WDR27: variants seen among roughly 807,000 people sequenced by gnomAD.
WDR27 encodes WD repeat domain 27, also known as WD repeat-containing protein 27.
Under a neutral mutation model 114.4 loss-of-function variants are expected in WDR27, and 100 were observed. The ratio of observed to expected loss-of-function variants is 0.87; its 90% CI spans 0.74 to 1.03. The LOEUF is 1.03. Ranked by LOEUF, WDR27 falls within the 50% of genes least tolerant of loss-of-function variation. The probability of loss-of-function intolerance (pLI) is 0.00; values close to 1 mark genes in which losing one functional copy is unlikely to be tolerated. For missense variants in WDR27, 1,129 were observed against 1,092.9 expected, an observed-to-expected ratio of 1.03 and a Z score of -0.47; for synonymous variants, 449 against 423.1, an observed-to-expected ratio of 1.06 and a Z score of -0.75.
intron 25 of WDR27, among the ~76,000 whole-genome samples, chr6:169,557,053 C>G (rs1425644841): frequency 6.6e-6 from 1 of 152,102 alleles, no homozygotes; most frequent in African/African-American, 2.4e-5. Flanking sequence ...GTGTCTCTCG[C>G]AAGAGAAACG....
chr6:169,682,737 G>A (rs958679270), intron 2 of WDR27, among the ~76,000 whole-genome samples: 2 of 152,140 alleles, frequency 1.3e-5, no homozygotes, highest in African/African-American at 2.4e-5. Context: ...AATAAGTTGC[G>A]ACAGACTGAC....
At chr6:169,575,099 C>A (rs1005108328) in intron 24 of WDR27, among the ~76,000 whole-genome samples, 4 of 152,146 alleles carry the variant, frequency 2.6e-5, no homozygotes, top group African/African-American at 9.7e-5. Context: ...GGCGGGAACA[C>A]CACCACCAGC....
Position 169,475,206 on chromosome 6 carries a change from T to C in WDR27, c.2646-17572A>G, listed in dbSNP as rs575721278. ...GGGTTTACAAAAATATTATCCTATA[T>C]TTTCTTCTACTTATTTATTGATTGA... On this transcript the variant is annotated intron_variant, in intron 25 of 25. Transcript: ENST00000448612. Among the ~76,000 whole-genome samples, 5 of 152,362 alleles carry C rather than the reference T, an allele frequency of 3.3e-5. 1 individual carries two copies. The highest frequency in any genetic ancestry group is 2.0e-4 in the Admixed American group (3 of 15,306).
intron 15 of WDR27, among the ~76,000 whole-genome samples, chr6:169,648,447 A>G (rs572698115): frequency 6.6e-6 from 1 of 152,322 alleles, no homozygotes; most frequent in Non-Finnish European, 1.5e-5. Context: ...AAAAAATCAG[A>G]GCTGAACGGA....
At chr6:169,435,731 C>T in the WDR27 span, among the ~76,000 whole-genome samples, 1 of 152,184 alleles carries the variant, frequency 6.6e-6, no homozygotes, top group Admixed American at 6.5e-5. Flanking sequence ...ATTTTACAGG[C>T]TCATAGGCAG....
intron 25 of WDR27, among the ~76,000 whole-genome samples, chr6:169,556,255 G>A (rs1207642896): frequency 2.0e-5 from 3 of 152,150 alleles, no homozygotes; most frequent in Admixed American, 1.3e-4. Flanking sequence ...GCAGTCACAA[G>A]GAATTAAAAT....
At chr6:169,467,550 C>T (rs1785755369) in intron 25 of WDR27, among the ~76,000 whole-genome samples, 1 of 152,230 alleles carries the variant, frequency 6.6e-6, no homozygotes, top group Non-Finnish European at 1.5e-5. Context: ...TTGGGGTTTC[C>T]ACCCTCTGAA....
Position 169,457,344 on chromosome 6 carries a change from G to C in WDR27, c.*248C>G. On this transcript the variant is annotated 3_prime_UTR_variant, in exon 26 of 26. Coordinates refer to ENST00000448612, the MANE Select transcript of WDR27 (RefSeq NM_182552.5). ...TTTTAACTTTACCAAATTCTGTGCA[G>C]AAGTACTGGACGCCATTTCCATTTT... 2.5e-6 allele frequency: 1 copy of C among 398,046 alleles called. No individual in the cohort carries two copies. Among genetic ancestry groups the C allele is most frequent in the Admixed American group, 4.3e-5 (1 of 23,376 alleles). 24.7% of individuals were successfully genotyped at this position (398,046 alleles called of 1,614,324 possible).
chr6:169,652,883 G>A (rs1426108398), intron 13 of WDR27, among the ~76,000 whole-genome samples: 2 of 152,188 alleles, frequency 1.3e-5, no homozygotes, highest in African/African-American at 2.4e-5. Flanking sequence ...AGTCTGAAAC[G>A]AGATGACCCT....
intron 25 of WDR27, among the ~76,000 whole-genome samples, chr6:169,480,295 C>T (rs1033965875): frequency 5.3e-5 from 8 of 152,180 alleles, no homozygotes; most frequent in African/African-American, 1.7e-4. Flanking sequence ...TCGGGACCTG[C>T]AGCCTGACAT....
intron 22 of WDR27, among the ~76,000 whole-genome samples, chr6:169,609,121 C>T (rs1272585560): frequency 2.6e-5 from 4 of 152,278 alleles, no homozygotes; most frequent in Middle Eastern, 3.4e-3. Context: ...TGTGGCTTTG[C>T]GGAGCATAAC....
chr6:169,686,507 A>G (rs1399116474), intron 2 of WDR27, among the ~76,000 whole-genome samples: 1 of 152,150 alleles, frequency 6.6e-6, no homozygotes, highest in Non-Finnish European at 1.5e-5. Flanking sequence ...CTATATGTGG[A>G]CTACGAGAAA....
At chr6:169,672,101 T>G (rs1778890225) in intron 3 of WDR27, 154 bp downstream of exon 3, 1 of 688,304 alleles carries the variant, frequency 1.5e-6, no homozygotes, top group South Asian at 2.7e-5. Flanking sequence ...CTTGCATGCC[T>G]GGGTTCAAGG....
chr6:169,674,463 T>C (rs973350577), intron 2 of WDR27, among the ~76,000 whole-genome samples: 2 of 152,172 alleles, frequency 1.3e-5, no homozygotes, highest in African/African-American at 4.8e-5. Context: ...TGGGATTAAC[T>C]GCATATTAGA....
chr6:169,472,321 C>T (rs141097814), intron 25 of WDR27, among the ~76,000 whole-genome samples: 801 of 152,254 alleles, frequency 5.3e-3, no homozygotes, highest in Middle Eastern at 0.01. Flanking sequence ...AGAAGAAGCA[C>T]AGAGAAGCAT....
chr6:169,660,435 G>A (rs1479440256), intron 10 of WDR27, among the ~76,000 whole-genome samples: 4 of 152,200 alleles, frequency 2.6e-5, no homozygotes, highest in Admixed American at 1.3e-4. Flanking sequence ...CCTGGCAGAT[G>A]TAGGCAAGGA....
intron 21 of WDR27, among the ~76,000 whole-genome samples, chr6:169,621,116 AAT>A (rs890027217): frequency 1.1e-3 from 165 of 152,338 alleles, no homozygotes; most frequent in African/African-American, 3.8e-3. Context: ...TGAATTAATT[AAT>A]AGGCACTTTA....
In WDR27 at chr6:169,686,356, G is replaced by A. The variant is rs150739453; in HGVS notation, c.189+2461C>T. On this transcript the variant is annotated intron_variant, in intron 2 of 25. Transcript: ENST00000448612. Reference sequence around the variant, plus strand: ...AATAAACAGTAAGAGAAGAAGTAACGAACAAAAGATATACAACTAGAAAAC... The same window carrying A: ...AATAAACAGTAAGAGAAGAAGTAACAAACAAAAGATATACAACTAGAAAAC... 5.1e-4 allele frequency among the ~76,000 whole-genome samples: 77 copies of A among 151,976 alleles called. 1 individual carries two copies. The East Asian group carries it at 0.013, about 26-fold the overall frequency.
intron 25 of WDR27, among the ~76,000 whole-genome samples, chr6:169,524,896 C>A (rs997972121): frequency 1.3e-5 from 2 of 152,004 alleles, no homozygotes; most frequent in Non-Finnish European, 2.9e-5. Context: ...TGTAAAATCG[C>A]AAAAGCACAG....
Sources: allele counts gnomAD v4.1 joint callset (sites outside exome capture counted in the v4.1 genomes callset), GRCh38; gene constraint gnomAD v4.1.1; transcripts MANE v1.5; gene names NCBI Gene and HGNC (gene_info 2026-07-23, HGNC 2026-07-21).